Variants in TENM3 observed in about 807,000 individuals in gnomAD.
TENM3 encodes teneurin transmembrane protein 3.
TENM3 carries 63 observed loss-of-function variants against 255.1 expected under a neutral mutation model. That is an observed-to-expected ratio of 0.25 (90% CI 0.20 to 0.30). The LOEUF (loss-of-function observed/expected upper bound fraction) is 0.30. TENM3 is among the 10% of genes least tolerant of loss of function. The pLI is 1.00. For synonymous variants in TENM3, 1,306 were observed against 1,322.3 expected (o/e 0.99, Z 0.27); for missense variants, 2,929 against 3,461.1 (o/e 0.85, Z 3.86).
chr4:181,663,666 G>C, the TENM3 span, among the ~76,000 whole-genome samples: 1 of 152,144 alleles, frequency 6.6e-6, no homozygotes, highest in Non-Finnish European at 1.5e-5. Flanking sequence ...AAAATTAAAG[G>C]AAGGAGTTTT....
the TENM3 span, among the ~76,000 whole-genome samples, chr4:181,539,206 G>A: frequency 1.1e-3 from 171 of 152,256 alleles, no homozygotes; most frequent in Middle Eastern, 6.8e-3. Context: ...AAACTAAAAA[G>A]GAGGGAACGT....
chr4:181,522,897 GT>G, the TENM3 span: 1 of 960,414 alleles, frequency 1.0e-6, no homozygotes, highest in Non-Finnish European at 1.7e-6. Flanking sequence ...GATAGCAGTT[GT>G]TGCTGGAATT....
intron 3 of TENM3, among the ~76,000 whole-genome samples, chr4:182,515,572 A>G (rs541703189): frequency 4.1e-4 from 62 of 152,326 alleles, no homozygotes; most frequent in Non-Finnish European, 7.6e-4. Context: ...ATATGTACAC[A>G]ATATGTATTT....
At chr4:182,415,207 G>A (rs975089941) in intron 3 of TENM3, among the ~76,000 whole-genome samples, 4 of 152,156 alleles carry the variant, frequency 2.6e-5, no homozygotes, top group Non-Finnish European at 2.9e-5. Context: ...TGACCACAGC[G>A]GTTTTCAAGC....
chr4:181,757,619 G>A, the TENM3 span, among the ~76,000 whole-genome samples: 38 of 152,214 alleles, frequency 2.5e-4, no homozygotes, highest in African/African-American at 8.4e-4. Context: ...TGGTGTACGC[G>A]ACACAGTAGT....
the TENM3 span, among the ~76,000 whole-genome samples, chr4:181,844,912 C>T: frequency 6.6e-6 from 1 of 152,152 alleles, no homozygotes; most frequent in South Asian, 2.1e-4. Context: ...TGAGTCTTCG[C>T]TTGTTGCATG....
rs1255396933 is a variant in TENM3 at position 182,653,860 on chromosome 4, A to G, written c.1078A>G (p.Thr360Ala). ...AAAAGTGAATTCTGATACCATGCCAACAAACACTGTGTCATTACCTTCTGG... is the reference window on the plus strand; with the variant it reads ...AAAAGTGAATTCTGATACCATGCCAGCAAACACTGTGTCATTACCTTCTGG... ...NGKVNSDTMPTNTVSLPSGDN... is the reference protein window; with the variant it reads ...NGKVNSDTMPANTVSLPSGDN... Residue 360 changes from threonine to alanine, a missense_variant, in exon 6 of 28, where the codon ACA becomes GCA. Transcript: ENST00000511685. 3 of 1,613,126 alleles carry G rather than the reference A, an allele frequency of 1.9e-6. No homozygotes were observed. In the African/African-American group the frequency reaches 4.0e-5, roughly 22 times the overall value.
At chr4:182,665,023 C>G (rs767018620) in intron 6 of TENM3, among the ~76,000 whole-genome samples, 2 of 152,196 alleles carry the variant, frequency 1.3e-5, no homozygotes, top group Non-Finnish European at 2.9e-5. Context: ...CTACACTAAA[C>G]AGATTTTCAA....
At chr4:182,101,252 G>GGAAAGA in the TENM3 span, among the ~76,000 whole-genome samples, 2 of 3,992 alleles carry the variant, frequency 5.0e-4, 1 homozygote, top group East Asian at 0.036. Context: ...AGAAGGGAGG[G>GGAAAGA]AGGAAGGAAA....
chr4:182,775,139 G>A lies in TENM3; in HGVS notation c.5290G>A (p.Gly1764Ser), dbSNP rs2152800350. The A allele has an allele frequency of 6.2e-7, 1 of 1,614,002 alleles. No individual in the cohort carries two copies. The highest frequency in any genetic ancestry group is 1.3e-5 in the African/African-American group (1 of 75,062). Residue 1764 changes from glycine to serine, a missense_variant, in exon 24 of 28, where the codon GGC (glycine) becomes AGC (serine). By Grantham distance (56) the Gly-to-Ser change is moderately conservative. This residue lies in a region of TENM3 where 303 missense variants were observed against 425.2 expected (regional missense o/e 0.71). Coordinates refer to ENST00000511685, the MANE Select transcript of TENM3 (RefSeq NM_001080477.4). ...AGCCCAAGGGAAAGTCAATGTCTTT[G>A]GCCGCAAGCTCAGGGTACGTACGTG... ...EQAQGKVNVF[G>S]RKLRVNGRNL...
the TENM3 span, among the ~76,000 whole-genome samples, chr4:181,890,560 C>T: frequency 6.6e-6 from 1 of 152,044 alleles, no homozygotes; most frequent in Non-Finnish European, 1.5e-5. Flanking sequence ...TCATTGTGGG[C>T]TTTTAAAAAA....
the TENM3 span, among the ~76,000 whole-genome samples, chr4:181,938,655 T>G: frequency 1.3e-5 from 2 of 152,312 alleles, no homozygotes; most frequent in East Asian, 3.9e-4. Context: ...CTCAGTCTAT[T>G]TAGGAATAAC....
intron 2 of TENM3, among the ~76,000 whole-genome samples, chr4:182,341,444 A>G (rs11937250): frequency 0.11 from 16,977 of 152,122 alleles, 1,123 homozygotes; most frequent in African/African-American, 0.18. Context: ...GGATTATACT[A>G]TATACATAAT....
the TENM3 span, among the ~76,000 whole-genome samples, chr4:181,870,613 C>T: frequency 6.6e-6 from 1 of 152,078 alleles, no homozygotes; most frequent in African/African-American, 2.4e-5. Context: ...GTCCTTTGCC[C>T]ATTAGATATG....
At chr4:181,466,124 T>TTC in the TENM3 span, among the ~76,000 whole-genome samples, 1 of 150,116 alleles carries the variant, frequency 6.7e-6, no homozygotes, top group African/African-American at 2.5e-5. Flanking sequence ...TTTTTTTTGT[T>TTC]TTGTTTTTTT....
intron 1 of TENM3, among the ~76,000 whole-genome samples, chr4:182,290,217 C>A (rs115274211): frequency 0.011 from 1,696 of 152,208 alleles, 30 homozygotes; most frequent in African/African-American, 0.039. Flanking sequence ...TGAGTGCTGT[C>A]GACTGAATGA....
At chr4:182,291,800 C>G (rs535333263) in intron 1 of TENM3, among the ~76,000 whole-genome samples, 1 of 152,282 alleles carries the variant, frequency 6.6e-6, no homozygotes, top group South Asian at 2.1e-4. Context: ...GACACCCACA[C>G]AGGACAGCCC....
At chr4:182,501,659 A>T (rs1437132929) in intron 3 of TENM3, among the ~76,000 whole-genome samples, 1 of 152,112 alleles carries the variant, frequency 6.6e-6, no homozygotes, top group Non-Finnish European at 1.5e-5. Context: ...TTACCTGAAG[A>T]TATATCATTA....
At chr4:181,811,835 G>T in the TENM3 span, among the ~76,000 whole-genome samples, 1 of 151,962 alleles carries the variant, frequency 6.6e-6, no homozygotes, top group Non-Finnish European at 1.5e-5. Flanking sequence ...AGATTTCGGT[G>T]GGGACACAGA....
Sources: gnomAD v4.1 joint callset for allele counts (sites outside exome capture counted in the v4.1 genomes callset) on GRCh38, gnomAD v4.1.1 for gene constraint, gnomAD v4.1.1 regional missense constraint, MANE v1.5 for transcripts, NCBI Gene and HGNC (gene_info 2026-07-23, HGNC 2026-07-21) for gene names.